The following ADSS1 variants were observed in gnomAD, a reference collection of about 807,000 sequenced individuals.
The protein encoded by ADSS1 is adenylosuccinate synthetase isozyme 1.
ADSS1 carries 57 observed loss-of-function variants against 59.1 expected under a neutral mutation model. That is an observed-to-expected ratio of 0.97 (90% CI 0.78 to 1.20). The LOEUF (loss-of-function observed/expected upper bound fraction) is 1.20. ADSS1 is among the 50% of genes most tolerant of loss of function. The pLI is 0.00. For synonymous variants in ADSS1, 247 were observed against 249.4 expected (o/e 0.99, Z 0.09); for missense variants, 603 against 610.3 (o/e 0.99, Z 0.13).
rs1253406434 is a variant in ADSS1, at chr14:104,742,101, C to T, written c.948+99C>T. ...AGTGCCAGGGTGGAGGCTCTGCGGA[C>T]CTTGCCAGTGCCATCTCCCCATCTC... On this transcript the variant is annotated intron_variant, in intron 9 of 12. Transcript: ENST00000330877. 5.4e-6 allele frequency: 8 copies of T among 1,489,822 alleles called. No individual in the cohort carries two copies. In the Admixed American group the frequency reaches 1.5e-4, roughly 27 times the overall value. 92.3% of individuals were successfully genotyped at this position (1,489,822 alleles called of 1,614,324 possible).
intron 8 of ADSS1, among the ~76,000 whole-genome samples, 194 bp from the exon 9 acceptor site, chr14:104,741,652 CTT>C (rs1891362313): frequency 6.6e-6 from 1 of 152,234 alleles, no homozygotes. Context: ...ACCCCAGACT[CTT>C]TTGTGAGCCA....
Position 104,735,029 on chromosome 14 carries a change from A to G in ADSS1, c.202A>G (p.Asn68Asp), listed in dbSNP as rs779422330. 14 of 1,612,786 alleles carry G rather than the reference A, an allele frequency of 8.7e-6. No individual in the cohort carries two copies. Among genetic ancestry groups the G allele is most frequent in the South Asian group, 3.3e-5 (3 of 91,066 alleles). Residue 68 changes from asparagine (N) to aspartate (D), a missense_variant, in exon 2 of 13, where the codon AAC (asparagine) becomes GAC (aspartate). Transcript: ENST00000330877. Reference sequence around the variant, plus strand: ...CGGGTTTCTGTTCCAGGGGGGCAACAACGCCGGCCACACGGTGGTGGTGGA... The same window carrying G: ...CGGGTTTCTGTTCCAGGGGGGCAACGACGCCGGCCACACGGTGGTGGTGGA... Reference protein sequence around the residue: ...DIISRCQGGNNAGHTVVVDGK... With the variant: ...DIISRCQGGNDAGHTVVVDGK...
At chr14:104,728,607 C>T (rs1228838649) in intron 1 of ADSS1, among the ~76,000 whole-genome samples, 1 of 152,208 alleles carries the variant, frequency 6.6e-6, no homozygotes, top group Non-Finnish European at 1.5e-5. Flanking sequence ...GCACACTGGG[C>T]GCCAGGGCCC....
At position 104,739,813 on chromosome 14, in the gene ADSS1, A is replaced by G; in HGVS notation, c.473A>G (p.Lys158Arg). ...QEVQRQAQEG[K>R]NIGTTKKGIG... The stretch of plus-strand genomic sequence containing the variant: ...GTGCAGCGCCAGGCACAAGAGGGGA[A>G]GAAGTAAGTCTGCCGGGACACTCTC... Residue 158 changes from lysine to arginine, a missense_variant, in exon 5 of 13, where the codon AAG becomes AGG. Physicochemically the swap from Lys to Arg is conservative, Grantham distance 26 (BLOSUM62 2). Transcript: ENST00000330877. The G allele has an allele frequency of 6.2e-7, 1 of 1,613,846 alleles. No individual in the cohort carries two copies. Among genetic ancestry groups the G allele is most frequent in the African/African-American group, 1.3e-5 (1 of 75,030 alleles).
intron 10 of ADSS1, chr14:104,743,483 G>C: frequency 2.8e-6 from 1 of 362,618 alleles, no homozygotes; most frequent in South Asian, 2.7e-5. Context: ...GTGGAGAGCG[G>C]AAGTACCCAG....
rs148388939 is a variant in ADSS1 at position 104,741,933 on chromosome 14, C to T, written c.879C>T (p.Asp293=). 75 of 1,613,370 alleles carry T rather than the reference C, an allele frequency of 4.6e-5. No individual in the cohort carries two copies. The highest frequency in any genetic ancestry group is 5.5e-5 in the Non-Finnish European group (65 of 1,180,012). Residue 293 remains aspartate, a synonymous_variant, in exon 9 of 13, where the codon GAC becomes GAT. Coordinates refer to ENST00000330877, the MANE Select transcript of ADSS1 (RefSeq NM_152328.5). ...GLGIPPQNIG[D]VYGVVKAYTT... is the part of the protein sequence containing the mutation. ...GCATCCCCCCGCAGAACATAGGTGA[C>T]GTGTATGGCGTGGTGAAAGCCTATA...
At chr14:104,736,202 G>A (rs1045614335) in intron 2 of ADSS1, among the ~76,000 whole-genome samples, 2 of 152,238 alleles carry the variant, frequency 1.3e-5, no homozygotes, top group African/African-American at 4.8e-5. Context: ...GTGTGGGGGC[G>A]GTCCCTAGTT....
Position 104,739,411 on chromosome 14 carries a change from C to T in ADSS1, c.409+33C>T, listed in dbSNP as rs1183040470. The stretch of plus-strand genomic sequence containing the variant: ...TCCCACTGGAGTACAGGGAACAGCC[C>T]CTCCTGCCCCCACCATTGCCAGCCG... On this transcript the variant is annotated intron_variant, in intron 4 of 12. Transcript: ENST00000330877. 2.5e-6 allele frequency: 4 copies of T among 1,585,710 alleles called. No individual in the cohort carries two copies. The East Asian group carries it at 6.8e-5, about 27-fold the overall frequency.
chr14:104,744,577 C>A, intron 10 of ADSS1: 2 of 555,126 alleles, frequency 3.6e-6, no homozygotes, highest in Non-Finnish European at 6.5e-6. Flanking sequence ...AGGGTTCAGG[C>A]TCCTGTGAGA....
chr14:104,733,325 C>T (rs900530807), intron 1 of ADSS1, among the ~76,000 whole-genome samples: 3 of 152,150 alleles, frequency 2.0e-5, no homozygotes, highest in African/African-American at 2.4e-5. Context: ...TCCTGCCCTG[C>T]GAAGGGGCTT....
chr14:104,726,027 G>A (rs1044955973), intron 1 of ADSS1, among the ~76,000 whole-genome samples: 7 of 152,108 alleles, frequency 4.6e-5, no homozygotes, highest in Non-Finnish European at 7.4e-5. Context: ...AGCTGCACAC[G>A]GGAGCACGGA....
rs1891074909 is a variant in ADSS1 at position 104,735,207 on chromosome 14, C to T, written c.295+85C>T. ...GCCCCACGCATGGGGGCACGGGGCA[C>T]CAGAGCCTGGTGATGACTGCTCTAG... On this transcript the variant is annotated intron_variant, in intron 2 of 12. Coordinates refer to ENST00000330877, the MANE Select transcript of ADSS1 (RefSeq NM_152328.5). The T allele has an allele frequency of 8.6e-6, 11 of 1,273,440 alleles. No individual in the cohort carries two copies. In the South Asian group the frequency reaches 1.1e-4, roughly 12 times the overall value. 78.9% of individuals were successfully genotyped at this position (1,273,440 alleles called of 1,614,324 possible).
Position 104,747,078 on chromosome 14 carries a change from G to A in ADSS1, c.*75G>A, listed in dbSNP as rs1369261121. 3.6e-6 allele frequency: 5 copies of A among 1,376,680 alleles called. No individual in the cohort carries two copies. 85.3% of individuals were successfully genotyped at this position (1,376,680 alleles called of 1,614,324 possible). A position where few individuals can be genotyped will look rare whatever the true frequency, so the allele number is the denominator to read the frequency against. ...TAAACAGCAGCAGTCACGTTCCTCG[G>A]CCGCCACAACCAACACCAAAGCAGG... On this transcript the variant is annotated 3_prime_UTR_variant, in exon 13 of 13. Transcript: ENST00000330877.
intron 1 of ADSS1, chr14:104,730,100 G>T: frequency 6.4e-7 from 1 of 1,551,352 alleles, no homozygotes; most frequent in Non-Finnish European, 8.7e-7. Flanking sequence ...CCCAACTAGG[G>T]TGACGCTGGG....
In ADSS1 at chr14:104,739,838, C is replaced by T. The variant is rs751871726; in HGVS notation, c.476+22C>T. The T allele has an allele frequency of 4.3e-6, 7 of 1,613,208 alleles. No homozygotes were observed. In the Middle Eastern group the frequency reaches 9.9e-4, roughly 228 times the overall value. ...AGAAGTAAGTCTGCCGGGACACTCT[C>T]ACCCTCGGGGAGTCTTCTGGGCCCG... On this transcript the variant is annotated intron_variant, in intron 5 of 12. Coordinates refer to ENST00000330877, the MANE Select transcript of ADSS1 (RefSeq NM_152328.5).
At chr14:104,742,077 G>T in intron 9 of ADSS1, 75 bp downstream of exon 9, 3 of 1,566,966 alleles carry the variant, frequency 1.9e-6, no homozygotes, top group Non-Finnish European at 2.6e-6. Flanking sequence ...GGGGTGAGCA[G>T]TGCCAGGGTG....
chr14:104,738,516 G>C, intron 3 of ADSS1, 78 bp downstream of exon 3: 1 of 1,529,926 alleles, frequency 6.5e-7, no homozygotes, highest in African/African-American at 1.4e-5. Flanking sequence ...CCTTCCTGAG[G>C]GTTTCTCCCA....
In ADSS1 at chr14:104,744,846, C is replaced by G; in HGVS notation, c.1108C>G (p.Leu370Val). ...GACGAAGCTGGACATCCTGGACGTA[C>G]TGGGTGAGGTTAAAGTCGGTGTCTC... ...ALTKLDILDVLGEVKVGVSYK... is the reference protein window; with the variant it reads ...ALTKLDILDVVGEVKVGVSYK... Residue 370 changes from leucine to valine, a missense_variant, in exon 11 of 13, where the codon CTG (leucine) becomes GTG (valine). Leu to Val is a conservative substitution (Grantham distance 32). Transcript: ENST00000330877. 1 of 1,614,200 alleles carries G rather than the reference C, an allele frequency of 6.2e-7. No homozygotes were observed. The highest frequency in any genetic ancestry group is 8.5e-7 in the Non-Finnish European group (1 of 1,180,040).
intron 1 of ADSS1, chr14:104,730,146 C>T (rs995019343): frequency 2.6e-6 from 4 of 1,545,094 alleles, no homozygotes; most frequent in Non-Finnish European, 3.5e-6. Context: ...GGGTCAAATG[C>T]AGGAGGCCAC....
Sources: gnomAD v4.1 joint callset for allele counts (sites outside exome capture counted in the v4.1 genomes callset) on GRCh38, gnomAD v4.1.1 for gene constraint, MANE v1.5 for transcripts, NCBI Gene and HGNC (gene_info 2026-07-23, HGNC 2026-07-21) for gene names.